MACROD2: variants seen among roughly 807,000 people sequenced by gnomAD.
MACROD2 encodes mono-ADP ribosylhydrolase 2, also known as ADP-ribose glycohydrolase MACROD2.
Under a neutral mutation model 70.4 loss-of-function variants are expected in MACROD2, and 36 were observed. The observed-to-expected ratio is 0.51, with a 90% confidence interval of 0.39 to 0.68. The LOEUF is 0.68. MACROD2 is among the 30% of genes least tolerant of loss of function. The probability of loss-of-function intolerance (pLI) is 0.00; values close to 1 mark genes in which losing one functional copy is unlikely to be tolerated. For missense variants in MACROD2, 496 were observed against 538.4 expected, an observed-to-expected ratio of 0.92 and a Z score of 0.78; for synonymous variants, 172 against 178.8, an observed-to-expected ratio of 0.96 and a Z score of 0.30.
At chr20:14,191,680 G>T (rs2081389371) in intron 3 of MACROD2, among the ~76,000 whole-genome samples, 1 of 152,210 alleles carries the variant, frequency 6.6e-6, no homozygotes, top group African/African-American at 2.4e-5. Flanking sequence ...CTTGAGCAGG[G>T]ACCTGGAAGA....
chr20:15,282,612 A>G (rs1327114479), intron 6 of MACROD2, among the ~76,000 whole-genome samples: 5 of 152,148 alleles, frequency 3.3e-5, no homozygotes, highest in Non-Finnish European at 5.9e-5. Flanking sequence ...CTTTATTCCA[A>G]TTCCCAAAAA....
At chr20:14,728,558 A>G (rs2071557002) in intron 5 of MACROD2, among the ~76,000 whole-genome samples, 1 of 152,152 alleles carries the variant, frequency 6.6e-6, no homozygotes, top group African/African-American at 2.4e-5. Flanking sequence ...CTATTTTACC[A>G]TTATTGTTTG....
chr20:15,877,379 A>C (rs775374606), intron 9 of MACROD2, among the ~76,000 whole-genome samples: 5 of 151,996 alleles, frequency 3.3e-5, no homozygotes, highest in African/African-American at 4.8e-5. Flanking sequence ...CCTTTTATTT[A>C]TTGCTTGATT....
intron 8 of MACROD2, among the ~76,000 whole-genome samples, chr20:15,568,874 G>GT (rs1217564874): frequency 1.3e-5 from 2 of 152,162 alleles, no homozygotes; most frequent in Admixed American, 1.3e-4. Flanking sequence ...TCTAGCTTAA[G>GT]TCTTGTGAAT....
intron 8 of MACROD2, among the ~76,000 whole-genome samples, chr20:15,561,063 CT>C (rs1040601545): frequency 1.3e-5 from 2 of 152,152 alleles, no homozygotes; most frequent in African/African-American, 4.8e-5. Flanking sequence ...CTGTGATACT[CT>C]TGGTGTAGTC....
At chr20:15,042,802 C>T (rs1893236695) in intron 5 of MACROD2, among the ~76,000 whole-genome samples, 2 of 152,228 alleles carry the variant, frequency 1.3e-5, no homozygotes, top group South Asian at 4.2e-4. Context: ...AGGCAAGAAG[C>T]CTAGATTGTA....
intron 10 of MACROD2, among the ~76,000 whole-genome samples, chr20:15,920,235 G>A (rs534226581): frequency 6.6e-6 from 1 of 152,248 alleles, no homozygotes; most frequent in African/African-American, 2.4e-5. Flanking sequence ...GAGATGACGG[G>A]GGTTAGAGTT....
intron 4 of MACROD2, among the ~76,000 whole-genome samples, chr20:14,512,086 T>C (rs2085037424): frequency 6.6e-6 from 1 of 152,018 alleles, no homozygotes; most frequent in African/African-American, 2.4e-5. Context: ...GAGGCAAAAA[T>C]GAATTCAAAG....
chr20:15,727,128 T>C (rs1171166518), intron 8 of MACROD2, among the ~76,000 whole-genome samples: 1 of 152,166 alleles, frequency 6.6e-6, no homozygotes, highest in Non-Finnish European at 1.5e-5. Context: ...GTATATGCTA[T>C]AAGGAAGGAG....
intron 7 of MACROD2, among the ~76,000 whole-genome samples, chr20:15,460,341 G>C (rs1600443774): frequency 1.3e-5 from 2 of 152,266 alleles, no homozygotes; most frequent in Non-Finnish European, 2.9e-5. Context: ...GTTGGTTCCA[G>C]ATTCCACCCT....
At chr20:14,434,886 A>G (rs1233183530) in intron 3 of MACROD2, among the ~76,000 whole-genome samples, 1 of 152,116 alleles carries the variant, frequency 6.6e-6, no homozygotes, top group Non-Finnish European at 1.5e-5. Context: ...GTCAATTCTC[A>G]TCTATATACA....
rs544149116 is a variant in MACROD2, at chr20:15,766,141, T to C, written c.646-96604T>C. 3.3e-5 allele frequency among the ~76,000 whole-genome samples: 5 copies of C among 152,168 alleles called. No individual in the cohort carries two copies. In the South Asian group the frequency reaches 1.0e-3, roughly 32 times the overall value. On this transcript the variant is annotated intron_variant, in intron 8 of 17. Coordinates refer to ENST00000684519, the MANE Select transcript of MACROD2 (RefSeq NM_001351661.2). ...GGTCTCTGTGTGTTCCCTTTGGTAA[T>C]GTCTAATAACATTTCTAACCTGGAG...
chr20:15,362,058 C>G (rs1435259569), intron 6 of MACROD2, among the ~76,000 whole-genome samples: 1 of 149,700 alleles, frequency 6.7e-6, no homozygotes, highest in Admixed American at 6.7e-5. Flanking sequence ...GTTGCCCAGG[C>G]TGGAGTGCAG....
At chr20:15,665,177 G>T (rs1377787557) in intron 8 of MACROD2, among the ~76,000 whole-genome samples, 1 of 152,176 alleles carries the variant, frequency 6.6e-6, no homozygotes, top group Non-Finnish European at 1.5e-5. Flanking sequence ...CTAAATGATT[G>T]TTGAACATTT....
chr20:14,519,637 C>T (rs6135164), intron 4 of MACROD2, among the ~76,000 whole-genome samples: 12,482 of 152,108 alleles, frequency 0.082, 697 homozygotes, highest in East Asian at 0.17. Context: ...TTAGTTCAGC[C>T]ACTGTGGAAA....
At chr20:14,906,503 A>C (rs1022082530) in intron 5 of MACROD2, among the ~76,000 whole-genome samples, 24 of 152,174 alleles carry the variant, frequency 1.6e-4, no homozygotes, top group South Asian at 4.1e-4. Flanking sequence ...CCAAAAGAAA[A>C]GAAAAGAAAA....
At chr20:15,626,038 G>A (rs1479517644) in intron 8 of MACROD2, among the ~76,000 whole-genome samples, 2 of 152,106 alleles carry the variant, frequency 1.3e-5, no homozygotes, top group Non-Finnish European at 2.9e-5. Context: ...AGTCCAGTGA[G>A]TGAGGCCGTG....
At chr20:14,553,331 C>A (rs1364250970) in intron 4 of MACROD2, among the ~76,000 whole-genome samples, 1 of 151,224 alleles carries the variant, frequency 6.6e-6, no homozygotes, top group Non-Finnish European at 1.5e-5. Context: ...ATGCATGGAA[C>A]TGTCATCTCC....
At chr20:15,383,699 G>A (rs2146282217) in intron 6 of MACROD2, among the ~76,000 whole-genome samples, 1 of 152,148 alleles carries the variant, frequency 6.6e-6, no homozygotes, top group Non-Finnish European at 1.5e-5. Context: ...GTGTTTTCTG[G>A]TGCACTTCCC....
Sources: gnomAD v4.1 joint callset for allele counts (sites outside exome capture counted in the v4.1 genomes callset) on GRCh38, gnomAD v4.1.1 for gene constraint, MANE v1.5 for transcripts, NCBI Gene and HGNC (gene_info 2026-07-23, HGNC 2026-07-21) for gene names.